TUB: variants seen among roughly 807,000 people sequenced by gnomAD.
TUB encodes the protein TUB bipartite transcription factor.
TUB carries 33 observed loss-of-function variants against 59.7 expected under a neutral mutation model. The observed-to-expected ratio is 0.55, with a 90% CI of 0.42 to 0.74. The LOEUF (loss-of-function observed/expected upper bound fraction) is 0.74, where lower values mean the gene tolerates loss of function less well. Among genes scored for constraint, TUB ranks in the 30% least tolerant of loss-of-function variants. TUB has a pLI of 0.00. For synonymous variants in TUB, 293 were observed against 256.4 expected, an observed-to-expected ratio of 1.14 and a Z score of -1.36; for missense variants, 659 against 672.0, an observed-to-expected ratio of 0.98 and a Z score of 0.21.
exon 1 of TUB, chr11:8,038,986 A>T: frequency 6.2e-7 from 1 of 1,613,910 alleles, no homozygotes; most frequent in Non-Finnish European, 8.5e-7. Flanking sequence ...TCAAAGCAGC[A>T]CAGGAAACCT....
intron 2 of TUB, among the ~76,000 whole-genome samples, chr11:8,057,548 C>T (rs555244068): frequency 2.0e-5 from 3 of 152,172 alleles, no homozygotes; most frequent in African/African-American, 4.8e-5. Context: ...AACTAAGATT[C>T]GAGTCCTGAA....
chr11:8,075,284 A>C (rs1455564225), intron 2 of TUB, among the ~76,000 whole-genome samples: 3 of 152,214 alleles, frequency 2.0e-5, no homozygotes, highest in Admixed American at 2.0e-4. Context: ...TCAAAGGGCT[A>C]AGGCGCCCAT....
chr11:8,027,394 T>G (rs1942514080), intron 1 of TUB, among the ~76,000 whole-genome samples: 1 of 152,266 alleles, frequency 6.6e-6, no homozygotes, highest in African/African-American at 2.4e-5. Context: ...TGGCTTATTT[T>G]GCTTAGCATA....
At chr11:8,064,013 A>C (rs1188493469) in intron 2 of TUB, among the ~76,000 whole-genome samples, 2 of 152,194 alleles carry the variant, frequency 1.3e-5, no homozygotes, top group African/African-American at 4.8e-5. Flanking sequence ...CATAGGCGTC[A>C]TTTGTCCCAC....
intron 1 of TUB, among the ~76,000 whole-genome samples, chr11:8,088,050 G>T (rs527416280): frequency 6.6e-6 from 1 of 152,274 alleles, no homozygotes; most frequent in East Asian, 1.9e-4. Context: ...GCTCTTGAGC[G>T]GTGTTTTCTC....
At position 8,074,405 on chromosome 11, in the gene TUB, T is replaced by C. The variant is rs1943411947; in HGVS notation, c.204-15205T>C. 2.0e-5 allele frequency among the ~76,000 whole-genome samples: 3 copies of C among 152,162 alleles called. No individual in the cohort carries two copies. The South Asian group carries it at 6.2e-4, about 32-fold the overall frequency. ...TAGAGCATTATACTCACCTAAAATATTGTATTCCATCTGATAAATCCATTA... is the reference window on the plus strand; with the variant it reads ...TAGAGCATTATACTCACCTAAAATACTGTATTCCATCTGATAAATCCATTA... On this transcript the variant is annotated intron_variant, in intron 2 of 12. Transcript: ENST00000305253.
intron 1 of TUB, among the ~76,000 whole-genome samples, chr11:8,033,098 A>G (rs911332201): frequency 2.0e-5 from 3 of 152,148 alleles, no homozygotes; most frequent in Admixed American, 2.0e-4. Context: ...CTGGGGGGGA[A>G]CCTGGGAGAC....
chr11:8,078,100 C>G (rs1349234134), upstream of TUB, among the ~76,000 whole-genome samples: 1 of 152,124 alleles, frequency 6.6e-6, no homozygotes, highest in Non-Finnish European at 1.5e-5. Flanking sequence ...AAAATGCTAA[C>G]CTTCTTCCCT....
intron 2 of TUB, chr11:8,039,769 A>G: frequency 7.6e-7 from 1 of 1,313,906 alleles, no homozygotes; most frequent in Admixed American, 3.1e-5. Flanking sequence ...GGTGGGCGGA[A>G]GACGTGGGTG....
At chr11:8,092,611 G>C (rs1943814717) in intron 3 of TUB, among the ~76,000 whole-genome samples, 1 of 152,156 alleles carries the variant, frequency 6.6e-6, no homozygotes, top group Admixed American at 6.5e-5. Context: ...ATTCCAGAGT[G>C]GGCTGGGCCT....
At chr11:8,071,663 G>GA (rs1943362173) in intron 2 of TUB, among the ~76,000 whole-genome samples, 1 of 152,226 alleles carries the variant, frequency 6.6e-6, no homozygotes, top group South Asian at 2.1e-4. Context: ...GAGCCAGGAG[G>GA]ATGGGGTGGA....
At position 8,101,848 on chromosome 11, in the gene TUB, CTT is replaced by C; in HGVS notation, c.*231_*232del. The C allele has an allele frequency of 2.2e-6, 1 of 452,120 alleles. No homozygotes were observed. The highest frequency in any genetic ancestry group is 3.5e-6 in the Non-Finnish European group (1 of 286,276). The allele number at this position is 452,120 out of a possible 1,614,324, so 28.0% of individuals were successfully genotyped here. ...TGGGTGTGAAGGGATGAGAATAATT[CTT>C]TCCATGCCACGAGATCAACACACAC... On this transcript the variant is annotated 3_prime_UTR_variant, in exon 12 of 12. Coordinates refer to ENST00000299506, the MANE Select transcript of TUB (RefSeq NM_177972.3).
rs191054121 is a variant in TUB at position 8,040,660 on chromosome 11, G to C, written c.203+968G>C. 9.8e-4 allele frequency among the ~76,000 whole-genome samples: 149 copies of C among 152,266 alleles called. 1 individual carries two copies. Among genetic ancestry groups the C allele is most frequent in the African/African-American group, 2.9e-3 (120 of 41,548 alleles). ...CTCATGAAGAGAAAGACAGTGGTGTGGGGGAGGGTGTATCACTTGAGCCTA... is the reference window on the plus strand; with the variant it reads ...CTCATGAAGAGAAAGACAGTGGTGTCGGGGAGGGTGTATCACTTGAGCCTA... On this transcript the variant is annotated intron_variant, in intron 2 of 12. Coordinates refer to the TUB transcript ENST00000305253.
chr11:8,089,976 C>CT, intron 2 of TUB, 93 bp from the exon 3 acceptor site: 2 of 1,456,986 alleles, frequency 1.4e-6, no homozygotes, highest in Non-Finnish European at 1.8e-6. Flanking sequence ...GACATGGGGC[C>CT]TTGGCCCAAG....
upstream of TUB, among the ~76,000 whole-genome samples, chr11:8,037,982 A>G (rs1942675993): frequency 6.6e-6 from 1 of 152,200 alleles, no homozygotes; most frequent in Non-Finnish European, 1.5e-5. Flanking sequence ...TGAGGTGCAT[A>G]GAATTGAGAG....
intron 2 of TUB, 76 bp from the exon 3 acceptor site, chr11:8,089,993 T>C (rs2272382): frequency 0.67 from 985,767 of 1,477,852 alleles, 330,398 homozygotes; most frequent in Non-Finnish European, 0.69. Flanking sequence ...CAAGGTGGGC[T>C]GTGGACCCCC....
intron 1 of TUB, among the ~76,000 whole-genome samples, chr11:8,030,041 G>A (rs1462748329): frequency 3.3e-5 from 5 of 152,126 alleles, no homozygotes; most frequent in Non-Finnish European, 7.4e-5. Flanking sequence ...GTGGGGGGTG[G>A]TCTGTTTCCC....
At chr11:8,094,882 T>C (rs1441027381) in intron 4 of TUB, among the ~76,000 whole-genome samples, 2 of 152,234 alleles carry the variant, frequency 1.3e-5, no homozygotes, top group African/African-American at 4.8e-5. Flanking sequence ...ACTCTGGGCA[T>C]AGCTCAGTAG....
chr11:8,023,635 A>G (rs867186262), intron 1 of TUB, among the ~76,000 whole-genome samples: 1 of 152,206 alleles, frequency 6.6e-6, no homozygotes, highest in Non-Finnish European at 1.5e-5. Context: ...AATAGGTTTA[A>G]AATCAGACCT....
Sources: allele counts gnomAD v4.1 joint callset (sites outside exome capture counted in the v4.1 genomes callset), GRCh38; gene constraint gnomAD v4.1.1; transcripts MANE v1.5; gene names NCBI Gene and HGNC (gene_info 2026-07-23, HGNC 2026-07-21).